The following ADAMTSL1 variants were observed in gnomAD, a reference collection of about 807,000 sequenced individuals.
ADAMTSL1 encodes the protein ADAMTS-like protein 1.
Under a neutral mutation model 201.8 loss-of-function variants are expected in ADAMTSL1, and 126 were observed. The observed-to-expected ratio is 0.62, with a 90% CI of 0.54 to 0.72. The LOEUF (loss-of-function observed/expected upper bound fraction) is 0.72, where lower values mean the gene tolerates loss of function less well. Ranked by LOEUF, ADAMTSL1 falls within the 30% of genes least tolerant of loss-of-function variation. ADAMTSL1 has a pLI of 0.00. For missense variants in ADAMTSL1, 2,679 were observed against 2,277.8 expected (o/e 1.18, Z -3.59); for synonymous variants, 1,121 against 903.4 (o/e 1.24, Z -4.32).
chr9:18,855,195 C>T (rs1826766564), intron 23 of ADAMTSL1, among the ~76,000 whole-genome samples: 1 of 152,106 alleles, frequency 6.6e-6, no homozygotes, highest in East Asian at 1.9e-4. Flanking sequence ...AGAAAGAAGG[C>T]CGGGGAAAAT....
intron 13 of ADAMTSL1, among the ~76,000 whole-genome samples, chr9:18,695,672 T>C (rs138193491): frequency 2.1e-3 from 320 of 152,346 alleles, no homozygotes; most frequent in African/African-American, 7.3e-3. Context: ...ATTACAACAA[T>C]TTACCAAGTC....
chr9:18,333,352 G>T (rs1012124589), intron 2 of ADAMTSL1, among the ~76,000 whole-genome samples: 1 of 152,066 alleles, frequency 6.6e-6, no homozygotes, highest in Non-Finnish European at 1.5e-5. Flanking sequence ...TGTCATAAGC[G>T]TCTGGCATTT....
At chr9:18,866,009 G>A (rs185977863) in intron 23 of ADAMTSL1, among the ~76,000 whole-genome samples, 1 of 151,134 alleles carries the variant, frequency 6.6e-6, no homozygotes, top group East Asian at 1.9e-4. Context: ...GGGAGGGTTG[G>A]GAATGGTTTA....
chr9:18,710,102 A>C (rs1316625058), intron 14 of ADAMTSL1, among the ~76,000 whole-genome samples: 1 of 152,130 alleles, frequency 6.6e-6, no homozygotes, highest in African/African-American at 2.4e-5. Flanking sequence ...TCCAAGGTGA[A>C]GCCCTTAGAG....
At chr9:18,002,475 C>T (rs932668659) in intron 1 of ADAMTSL1, among the ~76,000 whole-genome samples, 2 of 151,918 alleles carry the variant, frequency 1.3e-5, no homozygotes, top group African/African-American at 4.8e-5. Flanking sequence ...GTCTCTGATG[C>T]TTAGTAAGTT....
intron 1 of ADAMTSL1, among the ~76,000 whole-genome samples, chr9:18,129,210 G>A (rs996852154): frequency 1.3e-5 from 2 of 152,156 alleles, no homozygotes; most frequent in African/African-American, 2.4e-5. Context: ...AATTCTGACT[G>A]GTGTTAAACT....
intron 3 of ADAMTSL1, among the ~76,000 whole-genome samples, chr9:18,572,314 A>G (rs1021947189): frequency 6.6e-6 from 1 of 152,216 alleles, no homozygotes; most frequent in Non-Finnish European, 1.5e-5. Context: ...ATTTTACAAA[A>G]TAAACGTGTA....
chr9:18,101,338 A>G (rs888752171), intron 1 of ADAMTSL1, among the ~76,000 whole-genome samples: 23 of 152,160 alleles, frequency 1.5e-4, no homozygotes, highest in African/African-American at 4.8e-4. Context: ...TCTACTAAAA[A>G]AATACAAAAA....
rs577362257 is a variant in ADAMTSL1, at chr9:18,643,604, G to A, written c.834+4193G>A. On this transcript the variant is annotated intron_variant, in intron 7 of 28. Transcript: ENST00000380548. ...TTTTTGTGTATAGTGTGAGATACGG[G>A]TCTGATTTTATTCTTCCACATATGG... Among the ~76,000 whole-genome samples the A allele has an allele frequency of 7.4e-4, 112 of 152,106 alleles. 2 individuals carry two copies. The highest frequency in any genetic ancestry group is 7.2e-4 in the African/African-American group (30 of 41,530).
chr9:18,721,227 T>C (rs1023632359), intron 14 of ADAMTSL1, among the ~76,000 whole-genome samples: 2 of 152,206 alleles, frequency 1.3e-5, no homozygotes, highest in Non-Finnish European at 2.9e-5. Flanking sequence ...TGTTCCAGCA[T>C]TGGTGGCATT....
In ADAMTSL1 at chr9:18,847,702, G is replaced by A. The variant is rs76263935; in HGVS notation, c.4249+17725G>A. On this transcript the variant is annotated intron_variant, in intron 23 of 28. Transcript: ENST00000380548. ...TCCCAGGCACAGGAAGAATGAGTGC[G>A]GAGTTCCGCCTGCATGAAACGTGCA... Among the ~76,000 whole-genome samples, 12 of 152,276 alleles carry A rather than the reference G, an allele frequency of 7.9e-5. No homozygotes were observed. In the East Asian group the frequency reaches 1.2e-3, roughly 15 times the overall value.
intron 23 of ADAMTSL1, among the ~76,000 whole-genome samples, chr9:18,866,003 G>A (rs1355114210): frequency 6.6e-6 from 1 of 151,474 alleles, no homozygotes; most frequent in Non-Finnish European, 1.5e-5. Context: ...AGGAAAGGGA[G>A]GGTTGGGAAT....
intron 17 of ADAMTSL1, among the ~76,000 whole-genome samples, chr9:18,774,570 C>T (rs968943406): frequency 4.6e-5 from 7 of 151,946 alleles, no homozygotes; most frequent in Non-Finnish European, 1.0e-4. Flanking sequence ...TTTTATACTA[C>T]TTTACTTGTC....
Position 18,753,434 on chromosome 9 carries a change from C to T in ADAMTSL1, c.2143C>T (p.Pro715Ser), listed in dbSNP as rs753225461. The change falls in exon 16 of 29, where the codon CCC (proline) becomes TCC (serine). Residue 715 changes from proline to serine, a missense_variant. Pro to Ser is a moderately conservative substitution (Grantham distance 74, BLOSUM62 -1). Transcript: ENST00000380548. Reference protein sequence around the residue: ...VILADELCRQPKPSTVQACNR... With the variant: ...VILADELCRQSKPSTVQACNR... ...CCTGGCTGATGAGCTGTGTCGCCAGCCCAAGCCCAGCACGGTGCAAGCTTG... is the reference window on the plus strand; with the variant it reads ...CCTGGCTGATGAGCTGTGTCGCCAGTCCAAGCCCAGCACGGTGCAAGCTTG... 5.6e-6 allele frequency: 9 copies of T among 1,613,396 alleles called. No individual in the cohort carries two copies. The highest frequency in any genetic ancestry group is 1.3e-5 in the African/African-American group (1 of 74,904).
chr9:18,512,066 C>T (rs1459625532), intron 2 of ADAMTSL1, among the ~76,000 whole-genome samples: 1 of 152,126 alleles, frequency 6.6e-6, no homozygotes, highest in East Asian at 1.9e-4. Context: ...GTGGGTATGA[C>T]TACTCATGTC....
At chr9:18,414,434 C>G (rs182334743) in intron 2 of ADAMTSL1, among the ~76,000 whole-genome samples, 31 of 152,188 alleles carry the variant, frequency 2.0e-4, no homozygotes, top group African/African-American at 6.3e-4. Flanking sequence ...ATAGTTTCCA[C>G]TTCTGGACAA....
At chr9:18,546,844 G>T (rs1297888353) in intron 3 of ADAMTSL1, among the ~76,000 whole-genome samples, 1 of 152,108 alleles carries the variant, frequency 6.6e-6, no homozygotes, top group African/African-American at 2.4e-5. Flanking sequence ...AAACAAGTCT[G>T]CTTTTAACTG....
chr9:18,906,922 A>C lies in ADAMTSL1; in HGVS notation c.5182+10A>C, dbSNP rs1830343686. 6.2e-7 allele frequency: 1 copy of C among 1,613,716 alleles called. No homozygotes were observed. The highest frequency in any genetic ancestry group is 1.1e-5 in the South Asian group (1 of 91,046). ...ACCCCATGTGAAAACAGTATGTTCC[A>C]ACCCCAAAGAACCTTCTGCAAATTC... On this transcript the variant is annotated intron_variant, in intron 28 of 28. Coordinates refer to ENST00000380548, the MANE Select transcript of ADAMTSL1 (RefSeq NM_001040272.6).
chr9:17,944,071 C>T (rs1588455203), intron 1 of ADAMTSL1, among the ~76,000 whole-genome samples: 1 of 152,108 alleles, frequency 6.6e-6, no homozygotes, highest in East Asian at 1.9e-4. Context: ...CGAGCCCCAC[C>T]TCCAGCACTG....
Sources: gnomAD v4.1 joint callset for allele counts (sites outside exome capture counted in the v4.1 genomes callset) on GRCh38, gnomAD v4.1.1 for gene constraint, MANE v1.5 for transcripts, NCBI Gene and HGNC (gene_info 2026-07-23, HGNC 2026-07-21) for gene names.